The following MCM3AP variants were observed in gnomAD, a reference collection of about 807,000 sequenced individuals.
MCM3AP encodes the protein germinal-center associated nuclear protein.
Under a neutral mutation model 184.1 loss-of-function variants are expected in MCM3AP, and 126 were observed. That is an observed-to-expected ratio of 0.68 (90% CI 0.59 to 0.79). MCM3AP has a LOEUF of 0.79. Among genes scored for constraint, MCM3AP ranks in the 30% least tolerant of loss-of-function variants. MCM3AP has a pLI of 0.00. For missense variants in MCM3AP, 2,496 were observed against 2,479.2 expected (o/e 1.01, Z -0.14); for synonymous variants, 1,002 against 979.3 (o/e 1.02, Z -0.43).
At chr21:46,254,276 TA>T in intron 19 of MCM3AP, 115 bp downstream of exon 19, 1 of 1,100,082 alleles carries the variant, frequency 9.1e-7, no homozygotes, top group Non-Finnish European at 1.3e-6. Flanking sequence ...CATTAAAACA[TA>T]AACCTACACT....
At chr21:46,249,831 G>GC in intron 20 of MCM3AP, 1 of 237,818 alleles carries the variant, frequency 4.2e-6, no homozygotes. Context: ...AGAGGCTTGG[G>GC]CAGTTTATTT....
intron 2 of MCM3AP, among the ~76,000 whole-genome samples, chr21:46,281,438 G>A (rs958266626): frequency 1.3e-5 from 2 of 152,220 alleles, no homozygotes; most frequent in Admixed American, 6.5e-5. Context: ...TGTTTATAAA[G>A]GCAGTCTATT....
chr21:46,254,714 G>T, intron 18 of MCM3AP, 62 bp downstream of exon 18: 2 of 1,504,474 alleles, frequency 1.3e-6, no homozygotes, highest in Non-Finnish European at 1.8e-6. Flanking sequence ...GGGGCTGCCA[G>T]TGTGACAGAT....
At chr21:46,256,650 C>T in intron 17 of MCM3AP, 139 bp downstream of exon 17, 3 of 1,075,246 alleles carry the variant, frequency 2.8e-6, no homozygotes, top group Non-Finnish European at 3.9e-6. Flanking sequence ...TGTGCCTGTC[C>T]TCGCCTCCAG....
At position 46,235,295 on chromosome 21, in the gene MCM3AP, A is replaced by G. The variant is rs2080498796; in HGVS notation, c.5916T>C (p.Ser1972=). The G allele has an allele frequency of 6.2e-7, 1 of 1,614,202 alleles. No individual in the cohort carries two copies. Reference sequence around the variant, plus strand: ...AAATGTCCACCATGTCTAGCAGCGCAGAGAGATGGAGCTCAGAGGCAACTT... The same window carrying G: ...AAATGTCCACCATGTCTAGCAGCGCGGAGAGATGGAGCTCAGAGGCAACTT... ...EEEVASELHL[S]ALLDMVDI Residue 1972 remains serine, a synonymous_variant, in exon 28 of 28, where the codon TCT becomes TCC. Transcript: ENST00000291688.
Position 46,243,621 on chromosome 21 carries a change from G to A in MCM3AP, c.5140C>T (p.Leu1714Phe), listed in dbSNP as rs756884579. The change falls in exon 24 of 28, where the codon CTC becomes TTC. Residue 1714 changes from leucine to phenylalanine, a missense_variant. Transcript: ENST00000291688. ...PVLQSQVENLLHRTYCRWKSK... is the reference protein window; with the variant it reads ...PVLQSQVENLFHRTYCRWKSK... Reference sequence around the variant, plus strand: ...TTCCACCTACAGTAGGTTCTGTGGAGCAGGTTCTCCACCTGGGACTGGAGG... The same window carrying A: ...TTCCACCTACAGTAGGTTCTGTGGAACAGGTTCTCCACCTGGGACTGGAGG... 2 of 1,614,132 alleles carry A rather than the reference G, an allele frequency of 1.2e-6. No homozygotes were observed. Among genetic ancestry groups the A allele is most frequent in the Non-Finnish European group, 1.7e-6 (2 of 1,180,050 alleles).
intron 10 of MCM3AP, 72 bp downstream of exon 10, chr21:46,266,910 T>G (rs2081119360): frequency 6.5e-7 from 1 of 1,538,546 alleles, no homozygotes; most frequent in Non-Finnish European, 8.9e-7. Flanking sequence ...CAGCCAGCCC[T>G]TCACAGCCCT....
At chr21:46,265,781 C>G in intron 11 of MCM3AP, 144 bp downstream of exon 11, 2 of 1,072,598 alleles carry the variant, frequency 1.9e-6, no homozygotes, top group Non-Finnish European at 2.7e-6. Flanking sequence ...GAGGAAGAGC[C>G]ACACCCCTGG....
chr21:46,240,194 A>G (rs997875214), intron 26 of MCM3AP, among the ~76,000 whole-genome samples: 2 of 152,134 alleles, frequency 1.3e-5, no homozygotes, highest in Admixed American at 6.6e-5. Flanking sequence ...GGAAGGGCTG[A>G]CTGACTACGA....
At chr21:46,257,013 A>T (rs2080963195) in intron 16 of MCM3AP, 27 bp from the exon 17 acceptor site, 1 of 1,597,836 alleles carries the variant, frequency 6.3e-7, no homozygotes, top group African/African-American at 1.3e-5. Flanking sequence ...GTATCATCAC[A>T]GAGTGTTTTC....
chr21:46,277,024 T>A (rs961995276), intron 5 of MCM3AP, among the ~76,000 whole-genome samples: 1 of 152,210 alleles, frequency 6.6e-6, no homozygotes, highest in African/African-American at 2.4e-5. Context: ...GTGCTGGGAT[T>A]ACAGGTGTGA....
intron 11 of MCM3AP, 133 bp downstream of exon 11, chr21:46,265,792 G>GC: frequency 1.7e-6 from 2 of 1,152,552 alleles, no homozygotes; most frequent in Non-Finnish European, 2.4e-6. Context: ...ACACCCCTGG[G>GC]CCCCAAGACA....
Position 46,235,244 on chromosome 21 carries a change from C to T in MCM3AP, c.*24G>A. ...AAAAACAGAAACTCTTCGGGAGAGA[C>T]CCCCTCCCCACAGGTCAGGCTGCTC... On this transcript the variant is annotated 3_prime_UTR_variant, in exon 28 of 28. Coordinates refer to ENST00000291688, the MANE Select transcript of MCM3AP (RefSeq NM_003906.5). The T allele has an allele frequency of 1.2e-6, 2 of 1,611,256 alleles. No individual in the cohort carries two copies. The highest frequency in any genetic ancestry group is 1.7e-6 in the Non-Finnish European group (2 of 1,177,736).
intron 13 of MCM3AP, among the ~76,000 whole-genome samples, chr21:46,262,170 C>CAA (rs1365841163): frequency 7.9e-5 from 12 of 152,110 alleles, no homozygotes; most frequent in Non-Finnish European, 1.5e-5. Flanking sequence ...AGGAGACTTC[C>CAA]AAACAAAGAA....
At chr21:46,271,405 T>G (rs2081178168) in intron 8 of MCM3AP, among the ~76,000 whole-genome samples, 1 of 151,334 alleles carries the variant, frequency 6.6e-6, no homozygotes, top group Non-Finnish European at 1.5e-5. Flanking sequence ...CACAGCTTAC[T>G]GCAGCCTTGA....
In MCM3AP at chr21:46,283,146, G is replaced by T. The variant is rs1260112582; in HGVS notation, c.1443+469C>A. ...TTCACCGTGTTAGCCAGGATGGTCT[G>T]GATCTCCTGACCTCATGATCCGCCC... On this transcript the variant is annotated intron_variant, in intron 2 of 27. Coordinates refer to ENST00000291688, the MANE Select transcript of MCM3AP (RefSeq NM_003906.5). 2.0e-5 allele frequency among the ~76,000 whole-genome samples: 3 copies of T among 152,072 alleles called. No homozygotes were observed. In the East Asian group the frequency reaches 5.8e-4, roughly 29 times the overall value.
intron 5 of MCM3AP, among the ~76,000 whole-genome samples, chr21:46,275,979 T>C (rs991464122): frequency 2.6e-5 from 4 of 152,168 alleles, no homozygotes; most frequent in African/African-American, 9.7e-5. Context: ...GGGCCCGGCC[T>C]GGTGGCTCAC....
At chr21:46,279,883 T>A in intron 4 of MCM3AP, 110 bp downstream of exon 4, 1 of 1,112,754 alleles carries the variant, frequency 9.0e-7, no homozygotes, top group Non-Finnish European at 1.2e-6. Context: ...AGCAACTGGC[T>A]TTTGTCTCCT....
intron 10 of MCM3AP, 154 bp downstream of exon 10, chr21:46,266,828 C>A (rs923211108): frequency 2.5e-6 from 2 of 796,072 alleles, no homozygotes; most frequent in Non-Finnish European, 3.9e-6. Flanking sequence ...CTTGGGAACA[C>A]CCCCAGCCAT....
Sources: allele counts gnomAD v4.1 joint callset (sites outside exome capture counted in the v4.1 genomes callset), GRCh38; gene constraint gnomAD v4.1.1; transcripts MANE v1.5; gene names NCBI Gene and HGNC (gene_info 2026-07-23, HGNC 2026-07-21).